TENM2: variants seen among roughly 807,000 people sequenced by gnomAD.
TENM2 encodes teneurin transmembrane protein 2, also known as teneurin-2.
In TENM2, 52 loss-of-function variants were observed where a neutral mutation model predicts 245.2. The observed-to-expected ratio is 0.21, with a 90% confidence interval of 0.17 to 0.27. The LOEUF (loss-of-function observed/expected upper bound fraction) is 0.27. TENM2 is among the 10% of genes least tolerant of loss of function. The pLI is 1.00. For missense variants in TENM2, 3,046 were observed against 3,666.8 expected (o/e 0.83, Z 4.37); for synonymous variants, 1,363 against 1,438.9 (o/e 0.95, Z 1.19).
chr5:167,265,058 T>A, the TENM2 span, among the ~76,000 whole-genome samples: 2 of 152,046 alleles, frequency 1.3e-5, no homozygotes, highest in Non-Finnish European at 2.9e-5. Flanking sequence ...CCGGGAGCGA[T>A]GGCTCATGCC....
At chr5:167,380,442 AAC>A (rs1201441487) in intron 2 of TENM2, among the ~76,000 whole-genome samples, 1 of 152,256 alleles carries the variant, frequency 6.6e-6, no homozygotes, top group African/African-American at 2.4e-5. Context: ...TGTAAAGGAG[AAC>A]AGAGTACTTC....
rs200493551 is a variant in TENM2 at position 168,055,332 on chromosome 5, A to G, written c.1310-6728A>G. On this transcript the variant is annotated intron_variant, in intron 6 of 28. Transcript: ENST00000518659. ...AATGGCCCACCCAACATTGCTTAGG[A>G]CATTTCTTAATCATTGTTAAATAAA... Among the ~76,000 whole-genome samples, 22 of 152,322 alleles carry G rather than the reference A, an allele frequency of 1.4e-4. No homozygotes were observed. The East Asian group carries it at 1.9e-3, about 13-fold the overall frequency.
chr5:167,312,362 G>A (rs1015186591), intron 1 of TENM2, among the ~76,000 whole-genome samples: 5 of 152,094 alleles, frequency 3.3e-5, no homozygotes, highest in African/African-American at 1.2e-4. Flanking sequence ...TAGCAATCTG[G>A]TCTGGTCTAC....
chr5:167,511,044 C>A (rs1281094300), intron 2 of TENM2, among the ~76,000 whole-genome samples: 2 of 152,160 alleles, frequency 1.3e-5, no homozygotes. Flanking sequence ...TCCCTTTCTT[C>A]TTCTACATTT....
intron 3 of TENM2, among the ~76,000 whole-genome samples, chr5:167,898,368 G>A (rs1288377093): frequency 2.0e-5 from 3 of 152,066 alleles, no homozygotes; most frequent in Non-Finnish European, 4.4e-5. Flanking sequence ...ATATGCTAAC[G>A]TCTGAGAAGC....
At chr5:167,165,579 A>G in the TENM2 span, among the ~76,000 whole-genome samples, 2 of 152,146 alleles carry the variant, frequency 1.3e-5, no homozygotes, top group African/African-American at 4.8e-5. Flanking sequence ...GGGAATAATT[A>G]AAGATAGGTT....
chr5:167,933,596 G>A (rs532360592), intron 3 of TENM2, among the ~76,000 whole-genome samples: 42 of 152,020 alleles, frequency 2.8e-4, no homozygotes, highest in African/African-American at 8.7e-4. Flanking sequence ...AATATCGAGC[G>A]TTTGCAGACA....
exon 18 of TENM2, chr5:168,203,778 T>G (rs777233891): frequency 6.2e-7 from 1 of 1,613,446 alleles, no homozygotes; most frequent in Non-Finnish European, 8.5e-7. Context: ...GCTGGACCCC[T>G]CCAACCTCGG....
chr5:167,435,587 A>C (rs1300955728), intron 2 of TENM2, among the ~76,000 whole-genome samples: 1 of 152,152 alleles, frequency 6.6e-6, no homozygotes, highest in Non-Finnish European at 1.5e-5. Context: ...ACTAATACAG[A>C]AAATTGGTAC....
chr5:168,246,705 C>A, intron 26 of TENM2, 52 bp from the exon 29 acceptor site: 1 of 1,542,786 alleles, frequency 6.5e-7, no homozygotes, highest in Non-Finnish European at 8.9e-7. Context: ...TGTTTGAATG[C>A]TTGGTCCTCA....
intron 28 of TENM2, among the ~76,000 whole-genome samples, chr5:168,261,395 T>G (rs11747472): frequency 0.14 from 21,426 of 152,154 alleles, 2,921 homozygotes; most frequent in African/African-American, 0.35. Flanking sequence ...TCTCAAATGT[T>G]CATATGCACA....
intron 3 of TENM2, among the ~76,000 whole-genome samples, chr5:167,904,793 G>A (rs1021025642): frequency 7.9e-5 from 12 of 152,128 alleles, no homozygotes; most frequent in African/African-American, 2.7e-4. Context: ...GACCAACGCT[G>A]CCAGTTCTCT....
chr5:168,235,138 T>C (rs910018083), intron 25 of TENM2, among the ~76,000 whole-genome samples: 5 of 152,172 alleles, frequency 3.3e-5, no homozygotes, highest in Non-Finnish European at 2.9e-5. Context: ...TATGAAAGCC[T>C]GAATTTTCAC....
chr5:167,449,551 G>C (rs1020878475), intron 2 of TENM2, among the ~76,000 whole-genome samples: 3 of 149,744 alleles, frequency 2.0e-5, no homozygotes, highest in Non-Finnish European at 4.4e-5. Context: ...TAGATAGATA[G>C]ATAGATAGAT....
intron 3 of TENM2, among the ~76,000 whole-genome samples, chr5:167,912,657 G>C (rs1004530092): frequency 6.6e-6 from 1 of 152,174 alleles, no homozygotes; most frequent in Non-Finnish European, 1.5e-5. Flanking sequence ...TGAGATCCTG[G>C]CATCTCATGG....
intron 16 of TENM2, among the ~76,000 whole-genome samples, 191 bp from the exon 19 acceptor site, chr5:168,199,673 C>T (rs1761764166): frequency 6.6e-6 from 1 of 152,096 alleles, no homozygotes; most frequent in African/African-American, 2.4e-5. Context: ...AACCTCAGCC[C>T]CATCACTCTA....
chr5:167,347,546 T>G (rs570024313), intron 1 of TENM2, among the ~76,000 whole-genome samples: 55 of 152,282 alleles, frequency 3.6e-4, no homozygotes, highest in Admixed American at 1.2e-3. Context: ...GCTACTTTAC[T>G]AGGTACTAGG....
chr5:167,768,315 G>A (rs969825407), intron 2 of TENM2, among the ~76,000 whole-genome samples: 25 of 152,060 alleles, frequency 1.6e-4, no homozygotes, highest in Non-Finnish European at 5.9e-5. Flanking sequence ...CACTAGAAAG[G>A]TTAAGAATGT....
At chr5:167,746,713 G>GAGAGAGAGAGAA (rs1554109882) in intron 2 of TENM2, among the ~76,000 whole-genome samples, 1 of 150,604 alleles carries the variant, frequency 6.6e-6, no homozygotes, top group South Asian at 2.1e-4. Flanking sequence ...GAGAGAGAGA[G>GAGAGAGAGAGAA]AGCTGGACTC....
Sources: allele counts gnomAD v4.1 joint callset (sites outside exome capture counted in the v4.1 genomes callset), GRCh38; gene constraint gnomAD v4.1.1; transcripts MANE v1.5; gene names NCBI Gene and HGNC (gene_info 2026-07-23, HGNC 2026-07-21).